The following DSCAM variants were observed in gnomAD, a reference collection of about 807,000 sequenced individuals.
The protein encoded by DSCAM is DS cell adhesion molecule, also known as cell adhesion molecule DSCAM.
A neutral mutation model predicts 217.7 loss-of-function variants in DSCAM; 47 were observed. The observed-to-expected ratio is 0.22, with a 90% CI of 0.17 to 0.28. The LOEUF is 0.28. DSCAM is among the 10% of genes least tolerant of loss of function. The pLI is 1.00. For missense variants in DSCAM, 2,080 were observed against 2,618.3 expected, an observed-to-expected ratio of 0.79 and a Z score of 4.49; for synonymous variants, 1,056 against 1,015.3, an observed-to-expected ratio of 1.04 and a Z score of -0.76.
rs61560593 is a variant in DSCAM, at chr21:40,512,010, A to AT, written c.509-142766_509-142765insA. ...TGTCTCAAAAAAAAAAAAAAAAAAAAGTATTCTATTTGAGGTCTTGCTTTT... is the reference window on the plus strand; with the variant it reads ...TGTCTCAAAAAAAAAAAAAAAAAAAATGTATTCTATTTGAGGTCTTGCTTTT... On this transcript the variant is annotated intron_variant, in intron 3 of 32. Transcript: ENST00000400454. Among the ~76,000 whole-genome samples, 809 of 106,390 alleles carry AT rather than the reference A, an allele frequency of 7.6e-3. 86 individuals carry two copies. The highest frequency in any genetic ancestry group is 0.029 in the African/African-American group (775 of 26,910). 69.8% of individuals were successfully genotyped at this position (106,390 alleles called of 152,430 possible).
chr21:40,276,448 A>G (rs1480332514), intron 10 of DSCAM, among the ~76,000 whole-genome samples, 178 bp from the exon 11 acceptor site: 1 of 152,204 alleles, frequency 6.6e-6, no homozygotes, highest in Admixed American at 6.5e-5. Context: ...GTTTAGAGAG[A>G]AAAGCATTTA....
At chr21:40,799,643 C>G (rs945204506) in intron 1 of DSCAM, among the ~76,000 whole-genome samples, 1 of 152,164 alleles carries the variant, frequency 6.6e-6, no homozygotes, top group Non-Finnish European at 1.5e-5. Context: ...CTCATAAAGT[C>G]TTTTTCAGCT....
intron 3 of DSCAM, among the ~76,000 whole-genome samples, chr21:40,401,471 C>T (rs546854059): frequency 2.6e-5 from 4 of 152,066 alleles, no homozygotes; most frequent in African/African-American, 4.8e-5. Context: ...AATTGGATCC[C>T]GCAGCCTTGA....
rs542106779 is a variant in DSCAM, at chr21:40,259,661, C to CTTTTTTTTTTTTTT, written c.2356+16422_2356+16435dup. Among the ~76,000 whole-genome samples the CTTTTTTTTTTTTTT allele has an allele frequency of 8.4e-5, 5 of 59,520 alleles. 1 individual carries two copies. The highest frequency in any genetic ancestry group is 1.8e-4 in the Non-Finnish European group (5 of 27,260). 39.0% of individuals were successfully genotyped at this position (59,520 alleles called of 152,430 possible). The stretch of plus-strand genomic sequence containing the variant: ...GAATGAAAGTTTTGAGTCAGCCATT[C>CTTTTTTTTTTTTTT]TTTTTTTTTTTTTTTTTTTTTTTTT... On this transcript the variant is annotated intron_variant, in intron 11 of 32. Coordinates refer to ENST00000400454, the MANE Select transcript of DSCAM (RefSeq NM_001389.5).
intron 20 of DSCAM, among the ~76,000 whole-genome samples, chr21:40,103,537 G>GTT (rs775898134): frequency 2.6e-5 from 4 of 152,012 alleles, no homozygotes; most frequent in East Asian, 3.9e-4. Flanking sequence ...TTATTTCACA[G>GTT]TTCCCATCTA....
intron 3 of DSCAM, among the ~76,000 whole-genome samples, chr21:40,396,499 TGGGG>T (rs991428066): frequency 6.6e-6 from 1 of 152,106 alleles, no homozygotes; most frequent in Admixed American, 6.5e-5. Flanking sequence ...ATATTTCAGA[TGGGG>T]GGCAACTCAC....
At chr21:40,214,747 AAAAAACAAAAC>A (rs1186613743) in intron 11 of DSCAM, among the ~76,000 whole-genome samples, 1 of 150,020 alleles carries the variant, frequency 6.7e-6, no homozygotes, top group African/African-American at 2.5e-5. Flanking sequence ...AAAAAAAAAA[AAAAAACAAAAC>A]AAAAAACAAC....
chr21:40,100,169 AT>A (rs2089731944), intron 20 of DSCAM, among the ~76,000 whole-genome samples: 1 of 152,218 alleles, frequency 6.6e-6, no homozygotes, highest in South Asian at 2.1e-4. Context: ...AAACAGAATC[AT>A]TAGCTATGGA....
At chr21:40,519,042 G>A (rs181220834) in intron 3 of DSCAM, among the ~76,000 whole-genome samples, 1 of 152,050 alleles carries the variant, frequency 6.6e-6, no homozygotes, top group Non-Finnish European at 1.5e-5. Context: ...AATAAAATGC[G>A]GTATTATAAT....
chr21:40,115,212 C>T (rs1250858058), intron 20 of DSCAM, among the ~76,000 whole-genome samples: 2 of 152,138 alleles, frequency 1.3e-5, no homozygotes, highest in African/African-American at 4.8e-5. Context: ...GGCACATATA[C>T]ACCACGGAAC....
At chr21:40,522,682 A>C (rs2076368618) in intron 3 of DSCAM, among the ~76,000 whole-genome samples, 1 of 152,224 alleles carries the variant, frequency 6.6e-6, no homozygotes, top group South Asian at 2.1e-4. Flanking sequence ...GTCATGAGCA[A>C]AACAAACTTC....
At chr21:40,696,898 C>A in intron 2 of DSCAM, among the ~76,000 whole-genome samples, 1 of 152,098 alleles carries the variant, frequency 6.6e-6, no homozygotes. Flanking sequence ...TCAATCTTTT[C>A]CCTGTGTTGG....
At chr21:40,459,835 T>C (rs2075791974) in intron 3 of DSCAM, among the ~76,000 whole-genome samples, 1 of 151,388 alleles carries the variant, frequency 6.6e-6, no homozygotes, top group African/African-American at 2.4e-5. Context: ...AAAGAATAAA[T>C]AAGGTAGCAA....
At chr21:40,331,021 C>T (rs571400638) in intron 8 of DSCAM, among the ~76,000 whole-genome samples, 1 of 152,160 alleles carries the variant, frequency 6.6e-6, no homozygotes, top group Admixed American at 6.6e-5. Flanking sequence ...ACAAAAGACC[C>T]CAGCAAACTG....
chr21:40,257,469 A>AAC (rs141911963), intron 11 of DSCAM, among the ~76,000 whole-genome samples: 3,932 of 144,750 alleles, frequency 0.027, 78 homozygotes, highest in African/African-American at 0.05. Flanking sequence ...GTATTTGCTG[A>AAC]ACACACACAC....
chr21:40,489,497 G>A lies in DSCAM; in HGVS notation c.509-120252C>T, dbSNP rs376606726. ...TATCTTCTATATATAAATAAGGGCC[G>A]GGCGCGGTGGCTCACGCCTGTAATC... On this transcript the variant is annotated intron_variant, in intron 3 of 32. Transcript: ENST00000400454. Among the ~76,000 whole-genome samples, 1,151 of 152,190 alleles carry A rather than the reference G, an allele frequency of 7.6e-3. 11 individuals carry two copies. Among genetic ancestry groups the A allele is most frequent in the Non-Finnish European group, 0.012 (799 of 68,008 alleles).
intron 3 of DSCAM, among the ~76,000 whole-genome samples, chr21:40,380,284 A>G (rs2075006922): frequency 6.6e-6 from 1 of 152,262 alleles, no homozygotes; most frequent in Non-Finnish European, 1.5e-5. Context: ...GTTGTTTAAA[A>G]TAATGAATCC....
At chr21:40,770,265 C>A (rs1020571202) in intron 1 of DSCAM, among the ~76,000 whole-genome samples, 3 of 152,198 alleles carry the variant, frequency 2.0e-5, no homozygotes, top group African/African-American at 7.2e-5. Context: ...AGTTTCTCTT[C>A]ATTTTTATCA....
intron 8 of DSCAM, among the ~76,000 whole-genome samples, chr21:40,323,665 A>C (rs949306560): frequency 5.9e-5 from 9 of 152,256 alleles, no homozygotes; most frequent in African/African-American, 2.2e-4. Context: ...GCAAAAATTC[A>C]GTTTTTCTCT....
Sources: gnomAD v4.1 joint callset for allele counts (sites outside exome capture counted in the v4.1 genomes callset) on GRCh38, gnomAD v4.1.1 for gene constraint, MANE v1.5 for transcripts, NCBI Gene and HGNC (gene_info 2026-07-23, HGNC 2026-07-21) for gene names.